The following CDH12 variants were observed in gnomAD, a reference collection of about 807,000 sequenced individuals.
The protein encoded by CDH12 is cadherin-12.
Under a neutral mutation model 74.1 loss-of-function variants are expected in CDH12, and 41 were observed. The observed-to-expected ratio is 0.55, with a 90% CI of 0.43 to 0.72. The LOEUF (loss-of-function observed/expected upper bound fraction) is 0.72. Ranked by LOEUF, CDH12 falls within the 30% of genes least tolerant of loss-of-function variation. The probability of loss-of-function intolerance (pLI) is 0.00; values close to 1 mark genes in which losing one functional copy is unlikely to be tolerated. For synonymous variants in CDH12, 399 were observed against 355.0 expected (o/e 1.12, Z -1.39); for missense variants, 945 against 977.2 (o/e 0.97, Z 0.44).
intron 6 of CDH12, among the ~76,000 whole-genome samples, chr5:21,910,340 C>A (rs371571235): frequency 1.3e-5 from 2 of 152,098 alleles, no homozygotes; most frequent in South Asian, 4.2e-4. Context: ...TCATCGGGAC[C>A]CATGCTTTTG....
At chr5:22,109,059 G>T (rs1420154781) in intron 4 of CDH12, among the ~76,000 whole-genome samples, 1 of 152,060 alleles carries the variant, frequency 6.6e-6, no homozygotes, top group Admixed American at 6.6e-5. Context: ...TCATTAAAGG[G>T]TGTGAAAAAA....
At chr5:22,461,530 G>A (rs1223428891) in intron 2 of CDH12, among the ~76,000 whole-genome samples, 2 of 149,580 alleles carry the variant, frequency 1.3e-5, no homozygotes, top group East Asian at 3.9e-4. Flanking sequence ...AAATATCTAA[G>A]GGCTAAAAAA....
At chr5:21,773,152 T>A (rs1379305369) in intron 11 of CDH12, among the ~76,000 whole-genome samples, 2 of 152,194 alleles carry the variant, frequency 1.3e-5, no homozygotes. Context: ...TACAGTGCTT[T>A]ACGAAATGAT....
chr5:22,352,693 C>T (rs1561336758), intron 3 of CDH12, among the ~76,000 whole-genome samples: 2 of 152,088 alleles, frequency 1.3e-5, no homozygotes, highest in East Asian at 3.9e-4. Flanking sequence ...CTTCTCTGTT[C>T]GAGATTAATA....
intron 6 of CDH12, among the ~76,000 whole-genome samples, chr5:21,919,893 A>C (rs538088357): frequency 6.6e-6 from 1 of 152,304 alleles, no homozygotes; most frequent in African/African-American, 2.4e-5. Context: ...TCAAATATTT[A>C]AGAAAAGAAA....
At chr5:21,779,195 T>C (rs1745770874) in intron 11 of CDH12, 1 of 152,068 alleles carries the variant, frequency 6.6e-6, no homozygotes, top group South Asian at 2.1e-4. Context: ...TGTTTAGTTA[T>C]ATTTATTTAT....
chr5:22,045,269 T>C (rs1739856967), intron 5 of CDH12, among the ~76,000 whole-genome samples: 1 of 152,154 alleles, frequency 6.6e-6, no homozygotes, highest in South Asian at 2.1e-4. Context: ...ACAATGGCTA[T>C]TATCAAAAAG....
At chr5:22,697,162 C>T (rs191190071) in intron 1 of CDH12, among the ~76,000 whole-genome samples, 4 of 152,166 alleles carry the variant, frequency 2.6e-5, no homozygotes, top group Admixed American at 6.5e-5. Context: ...TCCCATGAAA[C>T]AGTAAAGCAG....
chr5:22,312,660 T>C (rs1738443578), intron 3 of CDH12, among the ~76,000 whole-genome samples: 1 of 152,194 alleles, frequency 6.6e-6, no homozygotes, highest in African/African-American at 2.4e-5. Context: ...TGCTATTTGT[T>C]TCTTTGTAAA....
chr5:22,309,103 G>A (rs532350645), intron 3 of CDH12, among the ~76,000 whole-genome samples: 2 of 152,136 alleles, frequency 1.3e-5, no homozygotes, highest in African/African-American at 4.8e-5. Flanking sequence ...AAGGTATACA[G>A]TATTGTACCA....
rs538651840 is a variant in CDH12 at position 22,515,393 on chromosome 5, T to C, written c.-522-10029A>G. On this transcript the variant is annotated intron_variant, in intron 1 of 14. Transcript: ENST00000382254. ...AAGTACAAGGGAGATGGTATTGTCCTGCTCAATAATAAACCAAAATATATT... is the reference window on the plus strand; with the variant it reads ...AAGTACAAGGGAGATGGTATTGTCCCGCTCAATAATAAACCAAAATATATT... Among the ~76,000 whole-genome samples the C allele has an allele frequency of 4.6e-5, 7 of 152,246 alleles. No individual in the cohort carries two copies. The East Asian group carries it at 1.2e-3, about 25-fold the overall frequency.
intron 1 of CDH12, among the ~76,000 whole-genome samples, chr5:22,704,872 A>G (rs1742907378): frequency 6.6e-6 from 1 of 152,000 alleles, no homozygotes; most frequent in African/African-American, 2.4e-5. Flanking sequence ...CTCACATATT[A>G]TGGTTTGAAT....
chr5:21,872,689 A>G (rs553225341), intron 6 of CDH12, among the ~76,000 whole-genome samples: 38 of 152,170 alleles, frequency 2.5e-4, no homozygotes, highest in Non-Finnish European at 4.9e-4. Context: ...GTTAAGGACC[A>G]GTTCCTGTGA....
At chr5:22,009,939 C>CAAAA (rs774589642) in intron 5 of CDH12, among the ~76,000 whole-genome samples, 1,102 of 54,252 alleles carry the variant, frequency 0.02, 17 homozygotes, top group African/African-American at 0.035. Flanking sequence ...GAAACTGTCT[C>CAAAA]AAAAAAAAAA....
intron 1 of CDH12, among the ~76,000 whole-genome samples, chr5:22,624,706 T>C (rs554369061): frequency 3.9e-5 from 6 of 152,326 alleles, no homozygotes; most frequent in African/African-American, 1.4e-4. Flanking sequence ...TTTTACACAG[T>C]TGGTGGGATT....
At chr5:21,809,384 T>G (rs2149934201) in intron 9 of CDH12, among the ~76,000 whole-genome samples, 1 of 152,226 alleles carries the variant, frequency 6.6e-6, no homozygotes, top group Admixed American at 6.6e-5. Flanking sequence ...ATACTATAAA[T>G]GCTGAAATAA....
At chr5:22,178,186 T>C (rs1749445102) in intron 4 of CDH12, among the ~76,000 whole-genome samples, 1 of 152,182 alleles carries the variant, frequency 6.6e-6, no homozygotes, top group African/African-American at 2.4e-5. Context: ...ACACCTATCC[T>C]TTCTCATGCT....
At chr5:22,735,419 A>G (rs1274070271) in intron 1 of CDH12, among the ~76,000 whole-genome samples, 2 of 151,932 alleles carry the variant, frequency 1.3e-5, no homozygotes, top group African/African-American at 4.8e-5. Flanking sequence ...GAGAAAAATT[A>G]TATTTACATA....
intron 3 of CDH12, among the ~76,000 whole-genome samples, chr5:22,236,615 C>T (rs1021097104): frequency 1.5e-4 from 23 of 152,126 alleles, no homozygotes; most frequent in African/African-American, 3.9e-4. Context: ...GACATTCTAG[C>T]GCAGGCCTGT....
Sources: allele counts gnomAD v4.1 joint callset (sites outside exome capture counted in the v4.1 genomes callset), GRCh38; gene constraint gnomAD v4.1.1; transcripts MANE v1.5; gene names NCBI Gene and HGNC (gene_info 2026-07-23, HGNC 2026-07-21).